PILRA: variants seen among roughly 807,000 people sequenced by gnomAD.
PILRA encodes paired immunoglobulin-like type 2 receptor alpha.
Under a neutral mutation model 33.1 loss-of-function variants are expected in PILRA, and 37 were observed. That is an observed-to-expected ratio of 1.12 (90% confidence interval 0.86 to 1.47). The LOEUF (loss-of-function observed/expected upper bound fraction) is 1.47. PILRA is among the 40% of genes most tolerant of loss of function. The probability of loss-of-function intolerance (pLI) is 0.00; values close to 1 mark genes in which losing one functional copy is unlikely to be tolerated. For missense variants in PILRA, 312 were observed against 376.2 expected (o/e 0.83, Z 1.41); for synonymous variants, 146 against 149.9 (o/e 0.97, Z 0.19).
chr7:100,376,337 T>G (rs1457256742), intron 2 of PILRA: 1 of 152,204 alleles, frequency 6.6e-6, no homozygotes, highest in Non-Finnish European at 1.5e-5. Context: ...CCTTAATTCC[T>G]GCTTGCTTTT....
intron 2 of PILRA, among the ~76,000 whole-genome samples, chr7:100,387,404 G>A (rs1782484825): frequency 6.6e-6 from 1 of 152,110 alleles, no homozygotes; most frequent in African/African-American, 2.4e-5. Context: ...AGTAGAGATG[G>A]GCTTTCACCA....
intron 2 of PILRA, among the ~76,000 whole-genome samples, chr7:100,382,709 C>T (rs1419546381): frequency 2.0e-5 from 3 of 151,930 alleles, no homozygotes; most frequent in Admixed American, 6.6e-5. Flanking sequence ...TGGAAAGTTT[C>T]TTTTTTTTGC....
At chr7:100,389,118 TA>T (rs1164447877) in intron 2 of PILRA, among the ~76,000 whole-genome samples, 1 of 152,100 alleles carries the variant, frequency 6.6e-6, no homozygotes, top group African/African-American at 2.4e-5. Context: ...TTGAAATAAA[TA>T]AAAAAGCACT....
chr7:100,381,590 C>G (rs1306571658), intron 2 of PILRA, among the ~76,000 whole-genome samples: 2 of 152,272 alleles, frequency 1.3e-5, no homozygotes, highest in Non-Finnish European at 2.9e-5. Context: ...CCCTCGCTCG[C>G]TCTAGGCGCC....
intron 2 of PILRA, among the ~76,000 whole-genome samples, chr7:100,382,289 A>C (rs1416201751): frequency 1.3e-5 from 2 of 152,190 alleles, no homozygotes; most frequent in Non-Finnish European, 2.9e-5. Context: ...AGGTTTGTGA[A>C]TGCACCAATC....
Position 100,374,317 on chromosome 7 carries a change from C to G in PILRA, c.338C>G (p.Ser113Cys). 6.2e-7 allele frequency: 1 copy of G among 1,614,112 alleles called. No individual in the cohort carries two copies. Among genetic ancestry groups the G allele is most frequent in the Non-Finnish European group, 8.5e-7 (1 of 1,180,014 alleles). ...CAGAAGAGCGGCTTCCTCAGGATCT[C>G]CAACCTGCAGAAGCAGGACCAGTCT... ...EGQKSGFLRI[S>C]NLQKQDQSVY... Residue 113 changes from serine to cysteine, a missense_variant, in exon 2 of 7, where the codon TCC becomes TGC. Physicochemically the swap from Ser to Cys is moderately radical, Grantham distance 112. Coordinates refer to ENST00000198536, the MANE Select transcript of PILRA (RefSeq NM_013439.3).
Position 100,399,972 on chromosome 7 carries a change from C to T in PILRA, c.*65C>T. On this transcript the variant is annotated 3_prime_UTR_variant, in exon 7 of 7. Coordinates refer to ENST00000198536, the MANE Select transcript of PILRA (RefSeq NM_013439.3). ...GTACAGTGGCGCACACCTGTAATCC[C>T]AGCTACTCTGAAGCCTGAGGCAGAA... is the stretch of plus-strand genomic sequence containing the variant. 1 of 1,461,138 alleles carries T rather than the reference C, an allele frequency of 6.8e-7. No homozygotes were observed. The highest frequency in any genetic ancestry group is 2.4e-5 in the East Asian group (1 of 42,390). 90.5% of individuals were successfully genotyped at this position (1,461,138 alleles called of 1,614,324 possible).
At chr7:100,399,077 C>T (rs1445580917) in intron 4 of PILRA, among the ~76,000 whole-genome samples, 1 of 151,918 alleles carries the variant, frequency 6.6e-6, no homozygotes, top group Non-Finnish European at 1.5e-5. Flanking sequence ...TAGCTGTGAC[C>T]ACAGGCACAC....
At chr7:100,395,402 C>CAAAAAGCAAGATGCTGGCA (rs1791473823) in intron 3 of PILRA, among the ~76,000 whole-genome samples, 1 of 152,148 alleles carries the variant, frequency 6.6e-6, no homozygotes, top group Non-Finnish European at 1.5e-5. Context: ...AAAGACACAG[C>CAAAAAGCAAGATGCTGGCA]AAAAAGCAAG....
intron 2 of PILRA, 168 bp downstream of exon 2, chr7:100,374,601 T>G: frequency 2.7e-6 from 2 of 743,408 alleles, no homozygotes; most frequent in Non-Finnish European, 4.6e-6. Flanking sequence ...CCCTTTTCTC[T>G]TCCCCTTGTC....
At chr7:100,380,299 AAAAC>A (rs950888995) in intron 2 of PILRA, among the ~76,000 whole-genome samples, 1 of 152,218 alleles carries the variant, frequency 6.6e-6, no homozygotes, top group East Asian at 1.9e-4. Context: ...CGCAAAGAAC[AAAAC>A]AAACAGGAAA....
chr7:100,375,811 C>CA (rs1790933556), intron 2 of PILRA, among the ~76,000 whole-genome samples: 1 of 152,270 alleles, frequency 6.6e-6, no homozygotes. Flanking sequence ...CCTCTAGCTA[C>CA]AGGGCTTCGC....
At chr7:100,382,505 G>T (rs549835303) in intron 2 of PILRA, among the ~76,000 whole-genome samples, 1 of 152,304 alleles carries the variant, frequency 6.6e-6, no homozygotes, top group East Asian at 1.9e-4. Context: ...GAGAACTTTT[G>T]TGTCTAGCTC....
Position 100,382,811 on chromosome 7 carries a change from C to T in PILRA, c.455-7077C>T, listed in dbSNP as rs113177535. The stretch of plus-strand genomic sequence containing the variant: ...TAACACTCACCGTGAAGGTTTGTAG[C>T]TTCACTCTGGAAGCCAGCGAGACCA... On this transcript the variant is annotated intron_variant, in intron 2 of 6. Coordinates refer to ENST00000198536, the MANE Select transcript of PILRA (RefSeq NM_013439.3). Among the ~76,000 whole-genome samples the T allele has an allele frequency of 3.6e-3, 547 of 152,166 alleles. 4 individuals are homozygous for T. Among genetic ancestry groups the T allele is most frequent in the African/African-American group, 0.012 (512 of 41,452 alleles).
intron 2 of PILRA, among the ~76,000 whole-genome samples, chr7:100,378,445 A>G (rs1791002897): frequency 6.6e-6 from 1 of 152,252 alleles, no homozygotes; most frequent in African/African-American, 2.4e-5. Context: ...AGGAAAAACA[A>G]AAACAAAAAC....
chr7:100,380,610 A>C (rs866948449), intron 2 of PILRA, among the ~76,000 whole-genome samples: 1 of 152,192 alleles, frequency 6.6e-6, no homozygotes, highest in Admixed American at 6.5e-5. Context: ...AGCCTGGGCA[A>C]CATAGCAAGA....
chr7:100,391,679 C>T (rs893346318), intron 3 of PILRA, among the ~76,000 whole-genome samples: 2 of 152,132 alleles, frequency 1.3e-5, no homozygotes, highest in African/African-American at 4.8e-5. Context: ...AGAGCAAAAC[C>T]TTATCTCAAT....
chr7:100,373,569 C>T lies in PILRA; in HGVS notation c.-88C>T. On this transcript the variant is annotated 5_prime_UTR_variant, in exon 1 of 7. Transcript: ENST00000198536. ...CCTGAGCCCGGCTCTCCTCACTCAC[C>T]TCAACCCCCAGGCGGCCCCTCCACA... 1.3e-6 allele frequency: 2 copies of T among 1,498,170 alleles called. No individual in the cohort carries two copies. The highest frequency in any genetic ancestry group is 1.9e-6 in the Non-Finnish European group (2 of 1,080,986). The allele number at this position is 1,498,170 out of a possible 1,614,324, so 92.8% of individuals were successfully genotyped here.
At chr7:100,387,179 A>C (rs1380899595) in intron 2 of PILRA, among the ~76,000 whole-genome samples, 1 of 152,234 alleles carries the variant, frequency 6.6e-6, no homozygotes, top group Non-Finnish European at 1.5e-5. Flanking sequence ...TTAGCGTTCT[A>C]ATAATAGAAC....
Sources: allele counts gnomAD v4.1 joint callset (sites outside exome capture counted in the v4.1 genomes callset), GRCh38; gene constraint gnomAD v4.1.1; transcripts MANE v1.5; gene names NCBI Gene and HGNC (gene_info 2026-07-23, HGNC 2026-07-21).